Variants in ACTR3C observed in about 807,000 individuals in gnomAD.
The protein encoded by ACTR3C is actin-related protein 3C.
In ACTR3C, 18 loss-of-function variants were observed where a neutral mutation model predicts 26.3. The observed-to-expected ratio is 0.68, with a 90% CI of 0.47 to 1.01. The LOEUF (loss-of-function observed/expected upper bound fraction) is 1.01, where lower values mean the gene tolerates loss of function less well. Ranked by LOEUF, ACTR3C falls within the 50% of genes least tolerant of loss-of-function variation. The probability of loss-of-function intolerance (pLI) is 0.00; values close to 1 mark genes in which losing one functional copy is unlikely to be tolerated. For missense variants in ACTR3C, 184 were observed against 250.7 expected (o/e 0.73, Z 1.80); for synonymous variants, 55 against 94.5 (o/e 0.58, Z 2.42).
chr7:150,133,911 T>A, the ACTR3C span, among the ~76,000 whole-genome samples: 1 of 152,134 alleles, frequency 6.6e-6, no homozygotes, highest in Non-Finnish European at 1.5e-5. Context: ...CTAATTTTTC[T>A]ATTTTTGGTA....
At chr7:149,939,413 T>C in the ACTR3C span, among the ~76,000 whole-genome samples, 2 of 152,220 alleles carry the variant, frequency 1.3e-5, no homozygotes, top group Admixed American at 6.5e-5. Context: ...GGCAGGGGAC[T>C]ACTGTTTTTG....
chr7:149,968,904 C>G, the ACTR3C span, among the ~76,000 whole-genome samples: 4 of 152,098 alleles, frequency 2.6e-5, no homozygotes, highest in Non-Finnish European at 4.4e-5. Flanking sequence ...CCTGTGTTGC[C>G]AGGCATCCCT....
chr7:150,088,903 G>C, the ACTR3C span, among the ~76,000 whole-genome samples: 2 of 152,020 alleles, frequency 1.3e-5, no homozygotes, highest in South Asian at 4.2e-4. Context: ...GAATACATTT[G>C]GCAATTTTTT....
the ACTR3C span, among the ~76,000 whole-genome samples, chr7:149,988,378 G>A: frequency 1.3e-5 from 2 of 152,224 alleles, no homozygotes; most frequent in Non-Finnish European, 2.9e-5. Flanking sequence ...AGGGATGCAG[G>A]AATTGATAAG....
chr7:149,927,729 C>T, the ACTR3C span, among the ~76,000 whole-genome samples: 2 of 147,572 alleles, frequency 1.4e-5, no homozygotes, highest in Non-Finnish European at 3.0e-5. Context: ...ACTCTGTCTC[C>T]GAAAGAAAAA....
chr7:150,009,101 A>G, the ACTR3C span, among the ~76,000 whole-genome samples: 1 of 152,258 alleles, frequency 6.6e-6, no homozygotes, highest in Non-Finnish European at 1.5e-5. Context: ...TTAGGCAGGC[A>G]GAGAGCACAG....
chr7:150,318,208 T>G (rs1797132873), intron 1 of ACTR3C, among the ~76,000 whole-genome samples: 2 of 152,188 alleles, frequency 1.3e-5, no homozygotes, highest in Admixed American at 1.3e-4. Flanking sequence ...GATAATGTTC[T>G]TGTTTTGTCT....
chr7:149,998,112 C>T, the ACTR3C span, among the ~76,000 whole-genome samples: 2 of 150,756 alleles, frequency 1.3e-5, no homozygotes, highest in African/African-American at 4.9e-5. Context: ...TATAGACATC[C>T]ACCCTTCTTC....
chr7:150,092,843 G>A, the ACTR3C span, among the ~76,000 whole-genome samples: 708 of 151,382 alleles, frequency 4.7e-3, 24 homozygotes, highest in African/African-American at 0.017. Flanking sequence ...GAAGGATCCC[G>A]AGGTGTGTGA....
chr7:150,290,729 T>G (rs978902829), intron 3 of ACTR3C, among the ~76,000 whole-genome samples: 10 of 152,226 alleles, frequency 6.6e-5, no homozygotes, highest in Non-Finnish European at 8.8e-5. Context: ...AGTCCAAGTA[T>G]TTGTAAAGTA....
chr7:149,957,603 C>G, the ACTR3C span, among the ~76,000 whole-genome samples: 2 of 152,212 alleles, frequency 1.3e-5, no homozygotes, highest in African/African-American at 4.8e-5. Context: ...AGGACTTTGG[C>G]CTTGGACTGA....
At chr7:150,288,947 T>G (rs10263422) in intron 4 of ACTR3C, among the ~76,000 whole-genome samples, 26,551 of 149,828 alleles carry the variant, frequency 0.18, 3,209 homozygotes, top group African/African-American at 0.33. Context: ...TGAGGAGAAG[T>G]GTGGGTGTCA....
chr7:150,197,069 T>G, the ACTR3C span, among the ~76,000 whole-genome samples: 2 of 152,296 alleles, frequency 1.3e-5, no homozygotes, highest in South Asian at 2.1e-4. Flanking sequence ...CACGGCAGAT[T>G]AAGACTTTTT....
At chr7:150,281,253 T>A (rs1235745472) in intron 6 of ACTR3C, among the ~76,000 whole-genome samples, 1 of 151,820 alleles carries the variant, frequency 6.6e-6, no homozygotes, top group African/African-American at 2.4e-5. Flanking sequence ...GGTGACTGCG[T>A]GCTCTGCAGA....
the ACTR3C span, among the ~76,000 whole-genome samples, chr7:150,086,817 A>T: frequency 6.6e-6 from 1 of 152,170 alleles, no homozygotes; most frequent in Non-Finnish European, 1.5e-5. Context: ...GGGTTATTTG[A>T]AAGGGACTTG....
the ACTR3C span, among the ~76,000 whole-genome samples, chr7:150,189,941 G>A: frequency 6.7e-6 from 1 of 149,360 alleles, no homozygotes; most frequent in Non-Finnish European, 1.5e-5. Flanking sequence ...CCTGGACCAT[G>A]TGGGAGATAC....
At chr7:150,323,323 G>A (rs570472768) in intron 1 of ACTR3C, 146 bp downstream of exon 1, 127 of 271,554 alleles carry the variant, frequency 4.7e-4, no homozygotes, top group Non-Finnish European at 8.1e-4. Flanking sequence ...GCCCACTACG[G>A]CCTTTGGCCA....
downstream of ACTR3C, among the ~76,000 whole-genome samples, chr7:150,242,914 C>T (rs1269310184): frequency 2.0e-5 from 3 of 152,176 alleles, no homozygotes; most frequent in African/African-American, 7.2e-5. Context: ...TTTATTTGAT[C>T]TTTTAGAAAA....
chr7:149,943,461 T>C, the ACTR3C span, among the ~76,000 whole-genome samples: 2 of 151,390 alleles, frequency 1.3e-5, no homozygotes, highest in East Asian at 3.9e-4. Flanking sequence ...GCTCAGTGAC[T>C]CACTACTGTA....
Sources: allele counts gnomAD v4.1 joint callset (sites outside exome capture counted in the v4.1 genomes callset), GRCh38; gene constraint gnomAD v4.1.1; transcripts MANE v1.5; gene names NCBI Gene and HGNC (gene_info 2026-07-23, HGNC 2026-07-21).